Variants in AGPAT3 observed in about 807,000 individuals in gnomAD.
AGPAT3 encodes the protein 1-acyl-sn-glycerol-3-phosphate acyltransferase gamma.
Under a neutral mutation model 47.3 loss-of-function variants are expected in AGPAT3, and 5 were observed. The ratio of observed to expected loss-of-function variants is 0.11; its 90% CI spans 0.06 to 0.22. AGPAT3 has a LOEUF of 0.22. Ranked by LOEUF, AGPAT3 falls within the 10% of genes least tolerant of loss-of-function variation. The pLI, the probability that AGPAT3 is intolerant of heterozygous loss-of-function variation, is 1.00. For synonymous variants in AGPAT3, 212 were observed against 208.3 expected, an observed-to-expected ratio of 1.02 and a Z score of -0.15; for missense variants, 315 against 493.0, an observed-to-expected ratio of 0.64 and a Z score of 3.42.
chr21:43,963,707 C>CAA lies in AGPAT3; in HGVS notation c.178+3870_178+3871dup, dbSNP rs10582784. The stretch of plus-strand genomic sequence containing the variant: ...TGGGTGACAGAGTGAGACTCTGTCT[C>CAA]AAAAAAAAAAAAAAAAAAAAAAAGA... On this transcript the variant is annotated intron_variant, in intron 3 of 9. Coordinates refer to ENST00000291572, the MANE Select transcript of AGPAT3 (RefSeq NM_020132.5). Among the ~76,000 whole-genome samples, 452 of 64,820 alleles carry CAA rather than the reference C, an allele frequency of 7.0e-3. 4 individuals carry two copies. Among genetic ancestry groups the CAA allele is most frequent in the African/African-American group, 0.017 (287 of 16,738 alleles). 42.5% of individuals were successfully genotyped at this position (64,820 alleles called of 152,430 possible).
chr21:43,960,164 G>A (rs1243885127), intron 3 of AGPAT3, among the ~76,000 whole-genome samples: 19 of 152,204 alleles, frequency 1.2e-4, no homozygotes. Flanking sequence ...CCGTTACCAA[G>A]CTCCAACAGC....
chr21:43,898,858 A>G (rs945291148), intron 1 of AGPAT3, among the ~76,000 whole-genome samples: 3 of 151,610 alleles, frequency 2.0e-5, no homozygotes, highest in African/African-American at 7.3e-5. Flanking sequence ...ACTTTTGAAT[A>G]TCACAAGACA....
chr21:43,969,838 C>T (rs1334848996), intron 5 of AGPAT3, among the ~76,000 whole-genome samples: 1 of 152,068 alleles, frequency 6.6e-6, no homozygotes, highest in Non-Finnish European at 1.5e-5. Context: ...GCTGACATTA[C>T]AGGTGCGTGC....
intron 2 of AGPAT3, among the ~76,000 whole-genome samples, chr21:43,925,835 T>C (rs1005192): frequency 0.76 from 116,240 of 152,226 alleles, 44,469 homozygotes; most frequent in Admixed American, 0.84. Flanking sequence ...CCCAAGTCCA[T>C]TCCACCTTCT....
rs1386775295 is a variant in AGPAT3, at chr21:43,982,371, A to G, written c.1110A>G (p.Gln370=). ...EIEKGSSYGN[Q]EFKKKE is the part of the protein sequence containing the mutation. ...AAAAAGGCTCCAGCTACGGAAACCA[A>G]GAGTTTAAGAAAAAGGAATAATTAA... The change falls in exon 10 of 10, where the codon CAA becomes CAG. Residue 370 remains glutamine, a synonymous_variant. Transcript: ENST00000291572. This position sits in a 1 kb window ranked among gnomAD's most constrained non-coding sequence, Gnocchi z 6.2. The G allele has an allele frequency of 1.9e-6, 3 of 1,613,742 alleles. No individual in the cohort carries two copies. Among genetic ancestry groups the G allele is most frequent in the Non-Finnish European group, 8.5e-7 (1 of 1,179,612 alleles).
At chr21:43,886,190 C>T (rs1283805249) in intron 1 of AGPAT3, among the ~76,000 whole-genome samples, 4 of 152,176 alleles carry the variant, frequency 2.6e-5, no homozygotes, top group South Asian at 2.1e-4. Context: ...ATCACCTCTG[C>T]TCCTCCTGGC....
intron 1 of AGPAT3, among the ~76,000 whole-genome samples, chr21:43,872,142 G>A (rs562319376): frequency 9.2e-5 from 14 of 151,774 alleles, no homozygotes; most frequent in Non-Finnish European, 1.2e-4. Flanking sequence ...TTTATTCCCA[G>A]GTGCCCTTAT....
chr21:43,936,853 T>C (rs1223029726), intron 2 of AGPAT3, among the ~76,000 whole-genome samples: 1 of 152,224 alleles, frequency 6.6e-6, no homozygotes, highest in Non-Finnish European at 1.5e-5. Context: ...TCCCTGTGTA[T>C]TTGCAACTGC....
intron 1 of AGPAT3, among the ~76,000 whole-genome samples, chr21:43,896,943 G>GT (rs61657564): frequency 0.015 from 625 of 42,314 alleles, 38 homozygotes; most frequent in Non-Finnish European, 0.019. Flanking sequence ...TTGACAGTCC[G>GT]TTTTTTTTTT....
chr21:43,941,489 G>T (rs1043021467), intron 2 of AGPAT3, among the ~76,000 whole-genome samples: 3 of 152,230 alleles, frequency 2.0e-5, no homozygotes, highest in African/African-American at 7.2e-5. Context: ...CAAGGCCACA[G>T]TGAGCTGTGA....
In AGPAT3 at chr21:43,934,662, G is replaced by A. The variant is rs2087371883; in HGVS notation, c.-48-24972G>A. On this transcript the variant is annotated intron_variant, in intron 2 of 9. Coordinates refer to ENST00000291572, the MANE Select transcript of AGPAT3 (RefSeq NM_020132.5). The surrounding 1 kb of genome is among the most constrained non-coding windows in gnomAD (Gnocchi z 4.7). ...GGGCGGGCTCAAGCCCTGGTCGTGA[G>A]CAGGATGACATTCAGATAGCTGGGA... 6.6e-6 allele frequency among the ~76,000 whole-genome samples: 1 copy of A among 152,172 alleles called. No individual in the cohort carries two copies. The highest frequency in any genetic ancestry group is 1.5e-5 in the Non-Finnish European group (1 of 68,018).
rs1461254335 is a variant in AGPAT3, at chr21:43,897,567, C to T, written c.-111-6390C>T. On this transcript the variant is annotated intron_variant, in intron 1 of 9. Coordinates refer to ENST00000291572, the MANE Select transcript of AGPAT3 (RefSeq NM_020132.5). ...CCCAGAGGGGGCGGCCGGGCAGAGG[C>T]GCTCCTCACATCCCAGACGGGGCGG... is the stretch of plus-strand genomic sequence containing the variant. Among the ~76,000 whole-genome samples the T allele has an allele frequency of 1.5e-4, 19 of 123,538 alleles. 2 individuals are homozygous for T. Among genetic ancestry groups the T allele is most frequent in the African/African-American group, 6.8e-4 (16 of 23,644 alleles). The allele number at this position is 123,538 out of a possible 152,430, so 81.0% of individuals were successfully genotyped here.
intron 2 of AGPAT3, among the ~76,000 whole-genome samples, chr21:43,912,839 A>T (rs1428358325): frequency 1.3e-5 from 2 of 152,248 alleles, no homozygotes; most frequent in Non-Finnish European, 2.9e-5. Context: ...ATCGCTGTGC[A>T]TGCACGAGGC....
At chr21:43,957,561 G>A (rs1260580594) in intron 2 of AGPAT3, among the ~76,000 whole-genome samples, 3 of 147,872 alleles carry the variant, frequency 2.0e-5, no homozygotes, top group Admixed American at 6.7e-5. Flanking sequence ...CCCTCCACAC[G>A]GGGGTCTCGG....
chr21:43,931,171 C>T (rs1462225823), intron 2 of AGPAT3, among the ~76,000 whole-genome samples: 2 of 152,126 alleles, frequency 1.3e-5, no homozygotes, highest in African/African-American at 2.4e-5. Flanking sequence ...AAACAGAGAC[C>T]TTTTAGAAAT....
At chr21:43,978,888 C>G (rs1338675835) in intron 8 of AGPAT3, among the ~76,000 whole-genome samples, 1 of 152,188 alleles carries the variant, frequency 6.6e-6, no homozygotes, top group Non-Finnish European at 1.5e-5. Flanking sequence ...TTTATACGCA[C>G]AAATGCATGG....
chr21:43,894,760 C>G (rs963883694), intron 1 of AGPAT3, among the ~76,000 whole-genome samples: 1 of 152,110 alleles, frequency 6.6e-6, no homozygotes, highest in Non-Finnish European at 1.5e-5. Flanking sequence ...TATTTTTGTC[C>G]GTTATTGTTC....
At position 43,939,217 on chromosome 21, in the gene AGPAT3, G is replaced by C. The variant is rs115994976; in HGVS notation, c.-48-20417G>C. ...GACCCTGAGCGAGAATGCACTGGCC[G>C]GGCCTCCAGGGGGCGCTCCCTTAGG... is the stretch of plus-strand genomic sequence containing the variant. On this transcript the variant is annotated intron_variant, in intron 2 of 9. Coordinates refer to ENST00000291572, the MANE Select transcript of AGPAT3 (RefSeq NM_020132.5). The surrounding 1 kb of genome is among the most constrained non-coding windows in gnomAD (Gnocchi z 4.4). 6.6e-6 allele frequency among the ~76,000 whole-genome samples: 1 copy of C among 152,092 alleles called. No homozygotes were observed.
intron 5 of AGPAT3, among the ~76,000 whole-genome samples, chr21:43,969,729 G>T (rs957937728): frequency 1.3e-5 from 2 of 151,724 alleles, no homozygotes; most frequent in African/African-American, 2.4e-5. Context: ...ACGGAGTCTC[G>T]CTCTGTCGCC....
Sources: allele counts gnomAD v4.1 joint callset (sites outside exome capture counted in the v4.1 genomes callset), GRCh38; gene constraint gnomAD v4.1.1; non-coding constraint Gnocchi (gnomAD v3.1); transcripts MANE v1.5; gene names NCBI Gene and HGNC (gene_info 2026-07-23, HGNC 2026-07-21).